ANO2: variants seen among roughly 807,000 people sequenced by gnomAD.
ANO2 encodes anoctamin 2.
A neutral mutation model predicts 124.2 loss-of-function variants in ANO2; 101 were observed. The ratio of observed to expected loss-of-function variants is 0.81; its 90% CI spans 0.69 to 0.96. The LOEUF (loss-of-function observed/expected upper bound fraction) is 0.96, where lower values mean the gene tolerates loss of function less well. Ranked by LOEUF, ANO2 falls within the 40% of genes least tolerant of loss-of-function variation. The pLI is 0.00. For synonymous variants in ANO2, 486 were observed against 482.5 expected, an observed-to-expected ratio of 1.01 and a Z score of -0.09; for missense variants, 1,293 against 1,274.5, an observed-to-expected ratio of 1.01 and a Z score of -0.22.
intron 7 of ANO2, among the ~76,000 whole-genome samples, chr12:5,816,673 G>A (rs973278564): frequency 1.6e-4 from 24 of 152,180 alleles, no homozygotes; most frequent in African/African-American, 5.3e-4. Flanking sequence ...TCTGTAATTG[G>A]AGATGATCAC....
chr12:5,848,679 C>T (rs1391140196), intron 4 of ANO2, among the ~76,000 whole-genome samples: 3 of 152,202 alleles, frequency 2.0e-5, no homozygotes, highest in Non-Finnish European at 4.4e-5. Flanking sequence ...CAAGGACCCG[C>T]GCTCTAGGAA....
chr12:5,912,958 T>C (rs967341112), intron 3 of ANO2, among the ~76,000 whole-genome samples: 1 of 152,166 alleles, frequency 6.6e-6, no homozygotes, highest in African/African-American at 2.4e-5. Flanking sequence ...GTTTGCTATA[T>C]CCTTTCCTAG....
In ANO2 at chr12:5,569,914, T is replaced by A. The variant is rs142451647; in HGVS notation, c.2622-4251A>T. 6.1e-3 allele frequency among the ~76,000 whole-genome samples: 934 copies of A among 152,312 alleles called. 5 individuals carry two copies. The highest frequency in any genetic ancestry group is 0.017 in the Middle Eastern group (5 of 294). ...TTTCTTCTTATATACATACACAATA[T>A]GTGTCTATGAAATTAATTACTTTTA... is the stretch of plus-strand genomic sequence containing the variant. On this transcript the variant is annotated intron_variant, in intron 23 of 24. Coordinates refer to ENST00000682330, the MANE Select transcript of ANO2 (RefSeq NM_001364791.2).
At chr12:5,600,521 A>C (rs1178973937) in intron 19 of ANO2, among the ~76,000 whole-genome samples, 3 of 152,224 alleles carry the variant, frequency 2.0e-5, no homozygotes, top group Non-Finnish European at 4.4e-5. Context: ...GAATTAAGTG[A>C]AACAATGTTT....
At chr12:5,923,686 A>G (rs898980273) in intron 1 of ANO2, among the ~76,000 whole-genome samples, 2 of 152,176 alleles carry the variant, frequency 1.3e-5, no homozygotes, top group African/African-American at 4.8e-5. Flanking sequence ...TGAAGGGAAA[A>G]GTCCCCAGTA....
intron 19 of ANO2, among the ~76,000 whole-genome samples, chr12:5,607,113 T>G (rs1319948891): frequency 6.7e-6 from 1 of 150,346 alleles, no homozygotes; most frequent in Non-Finnish European, 1.5e-5. Flanking sequence ...GTACCTCCCT[T>G]GGGGAAAGAA....
At chr12:5,572,362 G>A (rs1942177744) in intron 23 of ANO2, among the ~76,000 whole-genome samples, 1 of 152,052 alleles carries the variant, frequency 6.6e-6, no homozygotes, top group Non-Finnish European at 1.5e-5. Flanking sequence ...GGCTGACATG[G>A]CCACATGAGT....
intron 3 of ANO2, among the ~76,000 whole-genome samples, chr12:5,879,422 A>G (rs899001849): frequency 6.6e-6 from 1 of 152,242 alleles, no homozygotes; most frequent in Non-Finnish European, 1.5e-5. Context: ...AGGGAACGGT[A>G]TAGTCATAAG....
At chr12:5,598,026 T>C (rs1202238185) in intron 20 of ANO2, among the ~76,000 whole-genome samples, 2 of 152,238 alleles carry the variant, frequency 1.3e-5, no homozygotes, top group South Asian at 2.1e-4. Flanking sequence ...CCTAGAATTG[T>C]AGACATCCCA....
intron 10 of ANO2, among the ~76,000 whole-genome samples, chr12:5,762,218 G>A (rs1433574854): frequency 6.6e-6 from 1 of 151,900 alleles, no homozygotes; most frequent in Non-Finnish European, 1.5e-5. Context: ...GTAAAATACT[G>A]AAACATTAAT....
chr12:5,696,087 C>T (rs1369623810), intron 14 of ANO2, among the ~76,000 whole-genome samples: 1 of 151,228 alleles, frequency 6.6e-6, no homozygotes, highest in East Asian at 1.9e-4. Context: ...GTTAAACATC[C>T]AACAACAAAG....
At chr12:5,776,922 G>A (rs964720526) in intron 10 of ANO2, among the ~76,000 whole-genome samples, 3 of 152,184 alleles carry the variant, frequency 2.0e-5, no homozygotes, top group African/African-American at 7.2e-5. Context: ...AAAGTTCGAG[G>A]AGAGGAGCCT....
rs1277302660 is a variant in ANO2 at position 5,862,797 on chromosome 12, T to TTTCC, written c.535-8657_535-8656insGGAA. Among the ~76,000 whole-genome samples the TTTCC allele has an allele frequency of 6.6e-6, 1 of 152,094 alleles. No homozygotes were observed. The highest frequency in any genetic ancestry group is 1.5e-5 in the Non-Finnish European group (1 of 68,006). ...AAGGGAAAACCTCTTTCTTTCTTTC[T>TTTCC]TTCTTTTTTTGAGACAAAATTTCGC... On this transcript the variant is annotated intron_variant, in intron 3 of 24. Transcript: ENST00000682330. The surrounding 1 kb of genome is among the most constrained non-coding windows in gnomAD (Gnocchi z 4.0).
intron 1 of ANO2, among the ~76,000 whole-genome samples, chr12:5,927,960 A>T (rs923007102): frequency 3.3e-5 from 5 of 152,224 alleles, no homozygotes; most frequent in Non-Finnish European, 7.3e-5. Context: ...GAGTGAGAGA[A>T]GCTTGGGCAT....
chr12:5,923,278 ACG>A (rs1434901339), intron 1 of ANO2, among the ~76,000 whole-genome samples: 3 of 149,442 alleles, frequency 2.0e-5, no homozygotes, highest in East Asian at 2.0e-4. Context: ...ACACACACAC[ACG>A]CACACACACA....
chr12:5,805,568 C>T (rs1953164860), intron 9 of ANO2, among the ~76,000 whole-genome samples: 1 of 152,170 alleles, frequency 6.6e-6, no homozygotes, highest in Non-Finnish European at 1.5e-5. Context: ...AAAGAAGAAT[C>T]ACCTAAAGTT....
chr12:5,904,820 T>G lies in ANO2; in HGVS notation c.534+16220A>C, dbSNP rs1940564415. ...ACCACAAACACAGCCCAAGGGTAATTAAAAGGTATCTGCAGGGATCCAGCT... is the reference window on the plus strand; with the variant it reads ...ACCACAAACACAGCCCAAGGGTAATGAAAAGGTATCTGCAGGGATCCAGCT... On this transcript the variant is annotated intron_variant, in intron 3 of 24. Coordinates refer to ENST00000682330, the MANE Select transcript of ANO2 (RefSeq NM_001364791.2). This position sits in a 1 kb window ranked among gnomAD's most constrained non-coding sequence, Gnocchi z 4.1. 6.6e-6 allele frequency among the ~76,000 whole-genome samples: 1 copy of G among 151,804 alleles called. No individual in the cohort carries two copies. The highest frequency in any genetic ancestry group is 1.5e-5 in the Non-Finnish European group (1 of 67,916).
At chr12:5,761,141 T>C (rs1004609898) in intron 10 of ANO2, among the ~76,000 whole-genome samples, 2 of 151,726 alleles carry the variant, frequency 1.3e-5, no homozygotes, top group African/African-American at 2.4e-5. Flanking sequence ...AGATCTCTAA[T>C]AAGCAAATAC....
chr12:5,923,060 A>G (rs1394484011), intron 1 of ANO2, among the ~76,000 whole-genome samples: 8 of 131,392 alleles, frequency 6.1e-5, no homozygotes, highest in Non-Finnish European at 5.0e-5. Context: ...ACACACCCAC[A>G]TACACACACA....
Sources: gnomAD v4.1 joint callset for allele counts (sites outside exome capture counted in the v4.1 genomes callset) on GRCh38, gnomAD v4.1.1 for gene constraint, Gnocchi (gnomAD v3.1) non-coding constraint, MANE v1.5 for transcripts, NCBI Gene and HGNC (gene_info 2026-07-23, HGNC 2026-07-21) for gene names.